STOX1: variants seen among roughly 807,000 people sequenced by gnomAD.
The protein encoded by STOX1 is storkhead-box protein 1.
A neutral mutation model predicts 74.8 loss-of-function variants in STOX1; 57 were observed. The observed-to-expected ratio is 0.76, with a 90% confidence interval of 0.62 to 0.95. The LOEUF is 0.95. STOX1 is among the 40% of genes least tolerant of loss of function. The pLI is 0.00. For synonymous variants in STOX1, 375 were observed against 401.3 expected, an observed-to-expected ratio of 0.93 and a Z score of 0.78; for missense variants, 1,010 against 1,117.0, an observed-to-expected ratio of 0.90 and a Z score of 1.37.
intron 1 of STOX1, among the ~76,000 whole-genome samples, chr10:68,853,949 T>G (rs1236954146): frequency 6.6e-6 from 1 of 151,936 alleles, no homozygotes; most frequent in East Asian, 1.9e-4. Flanking sequence ...CCTCCCAAAG[T>G]GCTGGGATCA....
chr10:68,832,200 C>A (rs1839429877), intron 1 of STOX1, among the ~76,000 whole-genome samples: 1 of 151,830 alleles, frequency 6.6e-6, no homozygotes, highest in African/African-American at 2.4e-5. Context: ...GGTGGGGCAC[C>A]TGTATTTGTT....
intron 1 of STOX1, among the ~76,000 whole-genome samples, chr10:68,867,329 G>A (rs984022215): frequency 6.6e-6 from 1 of 152,118 alleles, no homozygotes; most frequent in Non-Finnish European, 1.5e-5. Context: ...TAATTTAGAG[G>A]GAAAAGGCTC....
rs1294476068 is a variant in STOX1 at position 68,884,437 on chromosome 10, T to C, written c.641T>C (p.Met214Thr). The C allele has an allele frequency of 3.7e-6, 6 of 1,613,910 alleles. No individual in the cohort carries two copies. The East Asian group carries it at 1.1e-4, about 30-fold the overall frequency. ...RMLPSDESRL[M>T]PASMTYLVSM... ...CTGCCATCAGATGAAAGTCGCCTGA[T>C]GCCAGCTTCCATGACATATCTGGTG... Residue 214 changes from methionine to threonine, a missense_variant, in exon 3 of 4, where the codon ATG becomes ACG. Transcript: ENST00000298596.
At chr10:68,892,513 A>G in intron 3 of STOX1, 76 bp from the exon 4 acceptor site, 1 of 1,372,236 alleles carries the variant, frequency 7.3e-7, no homozygotes, top group South Asian at 1.2e-5. Context: ...AAAGTAGCAA[A>G]TGGAAGTATA....
rs759167493 is a variant in STOX1 at position 68,885,641 on chromosome 10, G to A, written c.1845G>A (p.Glu615=). 1 of 1,614,168 alleles carries A rather than the reference G, an allele frequency of 6.2e-7. No individual in the cohort carries two copies. Among genetic ancestry groups the A allele is most frequent in the Non-Finnish European group, 8.5e-7 (1 of 1,180,040 alleles). Residue 615 remains glutamate, a synonymous_variant, in exon 3 of 4, where the codon GAG becomes GAA. Transcript: ENST00000298596. The part of the protein sequence containing the change: ...LRYEVYGGEN[E]VIPEVLRKSH... ...ATGAAGTGTATGGTGGAGAAAATGA[G>A]GTAATTCCTGAAGTCTTGAGGAAAA...
Position 68,862,539 on chromosome 10 carries a change from A to G in STOX1, c.311-19419A>G, listed in dbSNP as rs528284958. Among the ~76,000 whole-genome samples the G allele has an allele frequency of 1.2e-4, 18 of 152,232 alleles. No homozygotes were observed. The East Asian group carries it at 3.3e-3, about 28-fold the overall frequency. The stretch of plus-strand genomic sequence containing the variant: ...ATGGCATAGTATATTTTCCTTCCTT[A>G]ATCTTGATCTTATTAAGAGCCATTA... On this transcript the variant is annotated intron_variant, in intron 1 of 3. Coordinates refer to ENST00000298596, the MANE Select transcript of STOX1 (RefSeq NM_152709.5).
At chr10:68,853,150 C>T (rs1262819966) in intron 1 of STOX1, among the ~76,000 whole-genome samples, 4 of 152,056 alleles carry the variant, frequency 2.6e-5, no homozygotes, top group Admixed American at 1.3e-4. Flanking sequence ...GTCTCAAACT[C>T]CTGACCTCAG....
chr10:68,868,215 G>A (rs1050669120), intron 1 of STOX1, among the ~76,000 whole-genome samples: 7 of 152,214 alleles, frequency 4.6e-5, no homozygotes, highest in Admixed American at 2.0e-4. Context: ...AAGTGGGATC[G>A]GGGGGCTAAC....
Position 68,886,041 on chromosome 10 carries a change from C to G in STOX1, c.2245C>G (p.Arg749Gly), listed in dbSNP as rs751266360. Reference protein sequence around the residue: ...EDDISENDDLRQMLPGHSQYS... With the variant: ...EDDISENDDLGQMLPGHSQYS... ...TGACATTTCTGAGAATGACGACTTA[C>G]GTCAAATGCTGCCTGGCCACAGTCA... Residue 749 changes from arginine to glycine, a missense_variant, in exon 3 of 4, where the codon CGT becomes GGT. Transcript: ENST00000298596. 2 of 1,614,044 alleles carry G rather than the reference C, an allele frequency of 1.2e-6. No individual in the cohort carries two copies. Among genetic ancestry groups the G allele is most frequent in the African/African-American group, 2.7e-5 (2 of 74,928 alleles).
intron 1 of STOX1, among the ~76,000 whole-genome samples, chr10:68,835,938 C>T (rs1016292735): frequency 2.0e-5 from 3 of 151,838 alleles, no homozygotes; most frequent in African/African-American, 7.3e-5. Flanking sequence ...GTGGTGTGAT[C>T]TCGGCTCACT....
rs1368114334 is a variant in STOX1 at position 68,885,597 on chromosome 10, A to G, written c.1801A>G (p.Met601Val). ...AAATGATGGTAAATGCTGTCCCTTT[A>G]TGGAAAGCATGTTGAGATATGAAGT... The part of the protein sequence containing the change: ...LQNDGKCCPF[M>V]ESMLRYEVYG... The change falls in exon 3 of 4, where the codon ATG becomes GTG. Residue 601 changes from methionine (M) to valine (V), a missense_variant. Physicochemically the swap from Met to Val is conservative, Grantham distance 21 (BLOSUM62 1). Transcript: ENST00000298596. The G allele has an allele frequency of 1.9e-6, 3 of 1,614,092 alleles. No individual in the cohort carries two copies. In the South Asian group the frequency reaches 3.3e-5, roughly 18 times the overall value.
Position 68,885,463 on chromosome 10 carries a change from A to T in STOX1, c.1667A>T (p.Asn556Ile), listed in dbSNP as rs1840921922. Residue 556 changes from asparagine to isoleucine, a missense_variant, in exon 3 of 4, where the codon AAT (asparagine) becomes ATT (isoleucine). By Grantham distance (149) the Asn-to-Ile change is moderately radical (BLOSUM62 -3). Transcript: ENST00000298596. ...KAKEPYAEQP[N>I]DKMEAESIYI... ...AAAGAGCCATATGCTGAACAACCTA[A>T]TGATAAAATGGAAGCAGAATCCATT... 1 of 1,614,058 alleles carries T rather than the reference A, an allele frequency of 6.2e-7. No individual in the cohort carries two copies.
intron 1 of STOX1, chr10:68,829,094 G>A: frequency 1.5e-6 from 1 of 648,674 alleles, no homozygotes; most frequent in Non-Finnish European, 1.9e-6. Flanking sequence ...GTTGTTCCGC[G>A]CTTAATTTTC....
chr10:68,882,117 T>A lies in STOX1; in HGVS notation c.463+7T>A. On this transcript the variant is annotated splice_region_variant and intron_variant, in intron 2 of 3. Coordinates refer to ENST00000298596, the MANE Select transcript of STOX1 (RefSeq NM_152709.5). ...TTGATGAAACATTACCCAGGTAGAGTAATAAATTTTTGTCTATTTGTACTT... is the reference window on the plus strand; with the variant it reads ...TTGATGAAACATTACCCAGGTAGAGAAATAAATTTTTGTCTATTTGTACTT... The A allele has an allele frequency of 2.5e-6, 4 of 1,613,358 alleles. No homozygotes were observed. Among genetic ancestry groups the A allele is most frequent in the Non-Finnish European group, 3.4e-6 (4 of 1,179,430 alleles).
chr10:68,861,162 G>A (rs34395612), intron 1 of STOX1, among the ~76,000 whole-genome samples: 42,435 of 151,988 alleles, frequency 0.28, 6,493 homozygotes, highest in African/African-American at 0.38. Flanking sequence ...AGACACAGAA[G>A]TAGAGTGCAA....
At chr10:68,864,939 T>C (rs879700530) in intron 1 of STOX1, among the ~76,000 whole-genome samples, 2 of 152,230 alleles carry the variant, frequency 1.3e-5, no homozygotes, top group Non-Finnish European at 2.9e-5. Flanking sequence ...TCCTTATGCA[T>C]GGTTACTTTT....
At chr10:68,840,841 A>G (rs1839674878) in intron 1 of STOX1, among the ~76,000 whole-genome samples, 1 of 152,098 alleles carries the variant, frequency 6.6e-6, no homozygotes. Context: ...GATTATAGGC[A>G]TGAGCCATCG....
chr10:68,844,506 C>G (rs1202298502), intron 1 of STOX1, among the ~76,000 whole-genome samples: 1 of 151,924 alleles, frequency 6.6e-6, no homozygotes, highest in Non-Finnish European at 1.5e-5. Context: ...ACCATGTTGG[C>G]CAGGTTGGTC....
Position 68,830,452 on chromosome 10 carries a change from C to G in STOX1, c.310+2519C>G, listed in dbSNP as rs139731335. On this transcript the variant is annotated intron_variant, in intron 1 of 3. Coordinates refer to ENST00000298596, the MANE Select transcript of STOX1 (RefSeq NM_152709.5). ...CCACCTCCTGGGTTCAAGTGCTTCT[C>G]CTGCCTCAGCCTGTGGAGTAGCTGG... Among the ~76,000 whole-genome samples the G allele has an allele frequency of 7.7e-3, 1,178 of 152,246 alleles. 12 individuals carry two copies. The highest frequency in any genetic ancestry group is 0.024 in the South Asian group (115 of 4,822).
Sources: gnomAD v4.1 joint callset for allele counts (sites outside exome capture counted in the v4.1 genomes callset) on GRCh38, gnomAD v4.1.1 for gene constraint, MANE v1.5 for transcripts, NCBI Gene and HGNC (gene_info 2026-07-23, HGNC 2026-07-21) for gene names.